Variants in DOP1B observed in about 807,000 individuals in gnomAD.
DOP1B encodes DOP1 leucine zipper like protein B.
In DOP1B, 174 loss-of-function variants were observed where a neutral mutation model predicts 233.5. The observed-to-expected ratio is 0.75, with a 90% CI of 0.66 to 0.85. The LOEUF is 0.85. DOP1B is among the 40% of genes least tolerant of loss of function. The pLI is 0.00. For synonymous variants in DOP1B, 1,190 were observed against 1,185.6 expected, an observed-to-expected ratio of 1.00 and a Z score of -0.08; for missense variants, 2,652 against 2,846.6, an observed-to-expected ratio of 0.93 and a Z score of 1.56.
chr21:36,290,187 T>C (rs1933398142), intron 35 of DOP1B, among the ~76,000 whole-genome samples: 1 of 152,240 alleles, frequency 6.6e-6, no homozygotes, highest in Non-Finnish European at 1.5e-5. Flanking sequence ...CATTTTGCTG[T>C]GAACCTAAAG....
At chr21:36,236,434 C>T (rs951762212) in intron 15 of DOP1B, among the ~76,000 whole-genome samples, 3 of 152,222 alleles carry the variant, frequency 2.0e-5, no homozygotes, top group East Asian at 1.9e-4. Flanking sequence ...ATCCATGCTG[C>T]GTGGTAACCA....
intron 2 of DOP1B, chr21:36,169,252 A>G: frequency 1.1e-6 from 1 of 891,150 alleles, no homozygotes; most frequent in South Asian, 1.3e-5. Context: ...TGCTCTTGTC[A>G]GACAGGTCAT....
chr21:36,227,157 G>A (rs559415092), intron 12 of DOP1B, among the ~76,000 whole-genome samples: 171 of 150,430 alleles, frequency 1.1e-3, no homozygotes, highest in Non-Finnish European at 6.7e-4. Context: ...GCAGTGAGCC[G>A]AGATCACACC....
rs549746637 is a variant in DOP1B, at chr21:36,168,753, G to C, written c.138+3882G>C. On this transcript the variant is annotated intron_variant, in intron 2 of 36. Transcript: ENST00000691173. ...TCACCATCTTGGCCAGGCTGGTCTC[G>C]AACTCCTGACCTCAGGTGATCTGCC... Among the ~76,000 whole-genome samples, 6 of 151,906 alleles carry C rather than the reference G, an allele frequency of 3.9e-5. No individual in the cohort carries two copies. The South Asian group carries it at 1.2e-3, about 32-fold the overall frequency.
chr21:36,247,444 A>G lies in DOP1B; in HGVS notation c.4698-73A>G, dbSNP rs966234588. 7.4e-5 allele frequency: 75 copies of G among 1,016,608 alleles called. No individual in the cohort carries two copies. The Admixed American group carries it at 9.5e-4, about 13-fold the overall frequency. 63.0% of individuals were successfully genotyped at this position (1,016,608 alleles called of 1,614,324 possible). On this transcript the variant is annotated intron_variant, in intron 19 of 36. Coordinates refer to ENST00000691173, the MANE Select transcript of DOP1B (RefSeq NM_001320714.2). ...ATCTCTCCCTAGTTCCTGTGTTTAT[A>G]TATAGGATTAGAAACCCTTATGGCC...
chr21:36,281,062 G>T (rs1305475293), intron 31 of DOP1B, among the ~76,000 whole-genome samples: 2 of 152,170 alleles, frequency 1.3e-5, no homozygotes, highest in African/African-American at 4.8e-5. Flanking sequence ...CCAGCACTTT[G>T]AGTGGCTGAG....
Position 36,227,790 on chromosome 21 carries a change from G to A in DOP1B, c.1578G>A (p.Thr526=), listed in dbSNP as rs150443180. 5.0e-5 allele frequency: 80 copies of A among 1,613,604 alleles called. 1 individual carries two copies. In the African/African-American group the frequency reaches 6.3e-4, roughly 13 times the overall value. The change falls in exon 13 of 37, where the codon ACG becomes ACA. Residue 526 remains threonine (T), a synonymous_variant. Transcript: ENST00000691173. ...AGGCCTTAAGTTTACCTGAACTCACGCATGCCTTGAAGACGTGTTTCAAGG... is the reference window on the plus strand; with the variant it reads ...AGGCCTTAAGTTTACCTGAACTCACACATGCCTTGAAGACGTGTTTCAAGG... ...DMEALSLPEL[T]HALKTCFKVL...
chr21:36,279,427 A>T (rs558311978), intron 30 of DOP1B, among the ~76,000 whole-genome samples: 3 of 152,264 alleles, frequency 2.0e-5, no homozygotes, highest in African/African-American at 7.2e-5. Context: ...CCTGTCTCAA[A>T]ATAACCAGAA....
At chr21:36,200,551 C>T (rs774848932) in intron 4 of DOP1B, 50 bp downstream of exon 4, 13 of 1,532,396 alleles carry the variant, frequency 8.5e-6, no homozygotes, top group Middle Eastern at 1.8e-4. Flanking sequence ...CTTTATAAGA[C>T]GCGGGGAGGG....
intron 22 of DOP1B, among the ~76,000 whole-genome samples, chr21:36,252,917 C>A (rs141579883): frequency 0.014 from 2,077 of 152,324 alleles, 41 homozygotes; most frequent in African/African-American, 0.048. Context: ...TTCCCTCCCA[C>A]CCCTGCTCCA....
intron 22 of DOP1B, among the ~76,000 whole-genome samples, chr21:36,252,919 C>T (rs1361867839): frequency 6.6e-6 from 1 of 152,234 alleles, no homozygotes; most frequent in Non-Finnish European, 1.5e-5. Context: ...CCCTCCCACC[C>T]CTGCTCCATC....
In DOP1B at chr21:36,293,673, C is replaced by G. The variant is rs11702555; in HGVS notation, c.*102C>G. ...AGGCAGGATAGTGCTTTTGAACAAG[C>G]CTATTTCCATTTTGAAAGTAGATTT... On this transcript the variant is annotated 3_prime_UTR_variant, in exon 37 of 37. Transcript: ENST00000691173. 5.3e-6 allele frequency: 7 copies of G among 1,323,702 alleles called. No individual in the cohort carries two copies. Among genetic ancestry groups the G allele is most frequent in the Non-Finnish European group, 7.3e-6 (7 of 952,438 alleles). The allele number at this position is 1,323,702 out of a possible 1,614,324, so 82.0% of individuals were successfully genotyped here.
intron 27 of DOP1B, among the ~76,000 whole-genome samples, chr21:36,271,568 G>A (rs1028422963): frequency 6.6e-6 from 1 of 151,604 alleles, no homozygotes; most frequent in Non-Finnish European, 1.5e-5. Flanking sequence ...CTCTGCGCCC[G>A]GCCCAGACTC....
In DOP1B at chr21:36,200,475, T is replaced by C. The variant is rs757642641; in HGVS notation, c.465T>C (p.Leu155=). The change falls in exon 4 of 37, where the codon CTT becomes CTC. Residue 155 remains leucine (L), a synonymous_variant. Transcript: ENST00000691173. The stretch of plus-strand genomic sequence containing the variant: ...TCATCGTGGGCCTGCTGCCCGGCCT[T>C]GAAGAGGGCTCCGAGATCTCCGACA... The part of the protein sequence containing the change: ...QAFIVGLLPG[L]EEGSEISDRT... 15 of 1,611,012 alleles carry C rather than the reference T, an allele frequency of 9.3e-6. No homozygotes were observed. The highest frequency in any genetic ancestry group is 1.3e-5 in the African/African-American group (1 of 74,922).
At chr21:36,265,802 CAA>C (rs1284961314) in intron 26 of DOP1B, among the ~76,000 whole-genome samples, 2 of 152,190 alleles carry the variant, frequency 1.3e-5, no homozygotes, top group Admixed American at 6.6e-5. Context: ...TAGAAAAAAA[CAA>C]AGTGTGATTT....
intron 2 of DOP1B, chr21:36,168,856 T>A: frequency 2.8e-6 from 1 of 360,810 alleles, no homozygotes; most frequent in East Asian, 6.2e-5. Flanking sequence ...TTAAAAATGA[T>A]AACCATCCTA....
At chr21:36,159,927 A>C (rs1320035216) in intron 1 of DOP1B, among the ~76,000 whole-genome samples, 1 of 152,168 alleles carries the variant, frequency 6.6e-6, no homozygotes, top group Admixed American at 6.5e-5. Context: ...ACCCTCTGAC[A>C]CTTACGTGTC....
chr21:36,189,697 G>A (rs531196182), intron 2 of DOP1B, among the ~76,000 whole-genome samples: 32 of 150,562 alleles, frequency 2.1e-4, no homozygotes, highest in African/African-American at 6.9e-4. Context: ...GTGACAGAGC[G>A]AGACTCTGTC....
At chr21:36,282,350 C>T (rs2146250374) in intron 32 of DOP1B, among the ~76,000 whole-genome samples, 1 of 152,176 alleles carries the variant, frequency 6.6e-6, no homozygotes, top group Non-Finnish European at 1.5e-5. Flanking sequence ...CCCAGGAGGC[C>T]AAGGTTGCAG....
Sources: allele counts gnomAD v4.1 joint callset (sites outside exome capture counted in the v4.1 genomes callset), GRCh38; gene constraint gnomAD v4.1.1; transcripts MANE v1.5; gene names NCBI Gene and HGNC (gene_info 2026-07-23, HGNC 2026-07-21).